Variants in CPNE5 observed in about 807,000 individuals in gnomAD.
CPNE5 encodes the protein copine 5, also known as copine-5.
In CPNE5, 42 loss-of-function variants were observed where a neutral mutation model predicts 81.1. That is an observed-to-expected ratio of 0.52 (90% CI 0.40 to 0.67). CPNE5 has a LOEUF of 0.67. Among genes scored for constraint, CPNE5 ranks in the 30% least tolerant of loss-of-function variants. CPNE5 has a pLI of 0.00. For synonymous variants in CPNE5, 313 were observed against 321.5 expected, an observed-to-expected ratio of 0.97 and a Z score of 0.28; for missense variants, 612 against 815.5, an observed-to-expected ratio of 0.75 and a Z score of 3.04.
chr6:36,800,118 C>T (rs369280117), intron 3 of CPNE5, 48 bp from the exon 4 acceptor site: 11 of 1,415,368 alleles, frequency 7.8e-6, no homozygotes, highest in African/African-American at 4.2e-5. Flanking sequence ...CTGGTGGGGC[C>T]GGCTGGTGGG....
rs1769769440 is a variant in CPNE5 at position 36,798,197 on chromosome 6, C to T, written c.372G>A (p.Gly124=). 1 of 1,613,860 alleles carries T rather than the reference C, an allele frequency of 6.2e-7. No individual in the cohort carries two copies. The highest frequency in any genetic ancestry group is 8.5e-7 in the Non-Finnish European group (1 of 1,179,906). The change falls in exon 6 of 21, where the codon GGG becomes GGA. Residue 124 remains glycine, a synonymous_variant. Transcript: ENST00000244751. ...GCTTTTCCAGGCGGCTCCCAGGGGA[C>T]CCCACAATCTCTCCAAGGGTGCAGA... The part of the protein sequence containing the change: ...QAFCTLGEIV[G]SPGSRLEKPL...
chr6:36,811,297 C>G (rs1466495907), intron 3 of CPNE5, among the ~76,000 whole-genome samples: 1 of 152,222 alleles, frequency 6.6e-6, no homozygotes, highest in Non-Finnish European at 1.5e-5. Context: ...TAGCTCCTGC[C>G]AAATGGCATC....
intron 8 of CPNE5, among the ~76,000 whole-genome samples, chr6:36,786,698 G>T (rs960051774): frequency 6.6e-6 from 1 of 152,096 alleles, no homozygotes; most frequent in Non-Finnish European, 1.5e-5. Context: ...AATAACATGC[G>T]GCTATTAAGT....
At chr6:36,797,193 A>G (rs1769665143) in intron 6 of CPNE5, among the ~76,000 whole-genome samples, 1 of 152,242 alleles carries the variant, frequency 6.6e-6, no homozygotes, top group Non-Finnish European at 1.5e-5. Context: ...GGCGTGAGCC[A>G]CCGTGCCCGG....
At chr6:36,801,549 T>C (rs1268446899) in intron 3 of CPNE5, among the ~76,000 whole-genome samples, 1 of 152,152 alleles carries the variant, frequency 6.6e-6, no homozygotes, top group Admixed American at 6.5e-5. Flanking sequence ...GCAAAATTTT[T>C]GTTTCAAAAA....
chr6:36,821,819 A>G (rs1772079026), intron 3 of CPNE5, among the ~76,000 whole-genome samples: 1 of 152,100 alleles, frequency 6.6e-6, no homozygotes, highest in Non-Finnish European at 1.5e-5. Flanking sequence ...CCAGCAGACA[A>G]GGTCTTAACG....
intron 3 of CPNE5, among the ~76,000 whole-genome samples, chr6:36,806,543 C>T (rs918740999): frequency 1.3e-5 from 2 of 152,338 alleles, no homozygotes; most frequent in Middle Eastern, 6.8e-3. Flanking sequence ...CCAGGTGATG[C>T]TCTATCCCTT....
intron 1 of CPNE5, chr6:36,827,264 C>A: frequency 1.1e-6 from 1 of 941,564 alleles, no homozygotes; most frequent in Non-Finnish European, 1.3e-6. Flanking sequence ...ACACTTGCCT[C>A]CGTCCATCCC....
At chr6:36,753,502 G>T (rs1287977193) in intron 13 of CPNE5, among the ~76,000 whole-genome samples, 1 of 152,208 alleles carries the variant, frequency 6.6e-6, no homozygotes, top group Admixed American at 6.5e-5. Context: ...GGACAAGGGG[G>T]CCCTCCTGGC....
In CPNE5 at chr6:36,745,158, G is replaced by A. The variant is rs1185685206; in HGVS notation, c.1329-8C>T. On this transcript the variant is annotated splice_region_variant and splice_polypyrimidine_tract_variant and intron_variant, in intron 17 of 20. Transcript: ENST00000244751. The stretch of plus-strand genomic sequence containing the variant: ...TGCACGGCCGCTGCATTCCTGGGTG[G>A]GGCAGGTGTGGGCTCAGGTCTGTCT... The A allele has an allele frequency of 6.2e-7, 1 of 1,605,696 alleles. No homozygotes were observed. Among genetic ancestry groups the A allele is most frequent in the African/African-American group, 1.3e-5 (1 of 74,744 alleles).
rs747209215 is a variant in CPNE5 at position 36,748,191 on chromosome 6, C to T, written c.1018+30G>A. On this transcript the variant is annotated intron_variant, in intron 15 of 20. Coordinates refer to ENST00000244751, the MANE Select transcript of CPNE5 (RefSeq NM_020939.2). ...AGCCCTTAAAAGCTCTCTCCTCCCA[C>T]CCTGCTCCTCTACCCATCCCCCAAC... The T allele has an allele frequency of 1.9e-6, 3 of 1,610,536 alleles. No homozygotes were observed. The South Asian group carries it at 3.3e-5, about 18-fold the overall frequency.
chr6:36,767,702 G>A (rs2150427942), intron 10 of CPNE5, among the ~76,000 whole-genome samples: 1 of 152,374 alleles, frequency 6.6e-6, no homozygotes, highest in African/African-American at 2.4e-5. Context: ...TGACAGCCCT[G>A]CATATCCACA....
intron 3 of CPNE5, among the ~76,000 whole-genome samples, chr6:36,800,987 C>A (rs1770053846): frequency 6.6e-6 from 1 of 152,236 alleles, no homozygotes; most frequent in Non-Finnish European, 1.5e-5. Flanking sequence ...CCCCAGCCAA[C>A]ACCTTCACTG....
At chr6:36,797,801 C>T (rs1456622618) in intron 6 of CPNE5, among the ~76,000 whole-genome samples, 2 of 152,146 alleles carry the variant, frequency 1.3e-5, no homozygotes, top group Admixed American at 1.3e-4. Context: ...GGTTCAAATC[C>T]CAGCTCCCAG....
chr6:36,838,404 C>T (rs1773720133), intron 1 of CPNE5, among the ~76,000 whole-genome samples: 1 of 152,228 alleles, frequency 6.6e-6, no homozygotes, highest in Admixed American at 6.5e-5. Context: ...CACAGAGAGA[C>T]TGAACTAGGG....
intron 15 of CPNE5, among the ~76,000 whole-genome samples, chr6:36,747,273 G>C: frequency 6.7e-6 from 1 of 150,254 alleles, no homozygotes; most frequent in Admixed American, 6.6e-5. Context: ...AGCCCTCTTC[G>C]CTGCCAATAT....
chr6:36,824,546 C>T (rs772691123), intron 1 of CPNE5, among the ~76,000 whole-genome samples: 13 of 152,234 alleles, frequency 8.5e-5, no homozygotes, highest in Non-Finnish European at 1.9e-4. Flanking sequence ...CACCTTCCTT[C>T]TCTACTCCCA....
intron 1 of CPNE5, among the ~76,000 whole-genome samples, chr6:36,837,239 T>G (rs1352417973): frequency 6.6e-6 from 1 of 152,260 alleles, no homozygotes; most frequent in African/African-American, 2.4e-5. Flanking sequence ...ATTTGGCAAG[T>G]GCCAGGCACT....
chr6:36,756,349 TGA>T, intron 12 of CPNE5, 51 bp from the exon 13 acceptor site: 1 of 1,537,018 alleles, frequency 6.5e-7, no homozygotes, highest in Non-Finnish European at 9.0e-7. Context: ...GCAGTCAGGG[TGA>T]GTCTTGAGGG....
Sources: gnomAD v4.1 joint callset for allele counts (sites outside exome capture counted in the v4.1 genomes callset) on GRCh38, gnomAD v4.1.1 for gene constraint, MANE v1.5 for transcripts, NCBI Gene and HGNC (gene_info 2026-07-23, HGNC 2026-07-21) for gene names.